Variants in MIPOL1 observed in about 807,000 individuals in gnomAD.
The protein encoded by MIPOL1 is mirror-image polydactyly 1.
Under a neutral mutation model 60.9 loss-of-function variants are expected in MIPOL1, and 57 were observed. That is an observed-to-expected ratio of 0.94 (90% CI 0.76 to 1.17). MIPOL1 has a LOEUF of 1.17. MIPOL1 is among the 50% of genes most tolerant of loss of function. The pLI is 0.00. For missense variants in MIPOL1, 551 were observed against 511.6 expected (o/e 1.08, Z -0.74); for synonymous variants, 179 against 168.8 (o/e 1.06, Z -0.47).
At chr14:37,507,959 ATTATCGGGTTTTCCT>A (rs779777762) in intron 12 of MIPOL1, among the ~76,000 whole-genome samples, 5 of 152,232 alleles carry the variant, frequency 3.3e-5, no homozygotes, top group Admixed American at 3.3e-4. Flanking sequence ...TAGATGAAGT[ATTATCGGGTTTTCCT>A]TTTCATATTT....
At chr14:37,403,874 AT>A (rs992177388) in intron 10 of MIPOL1, among the ~76,000 whole-genome samples, 4 of 152,156 alleles carry the variant, frequency 2.6e-5, no homozygotes, top group African/African-American at 4.8e-5. Flanking sequence ...TCCAGCTCTA[AT>A]CCTTGTTTTC....
At chr14:37,436,901 T>G (rs1447494983) in intron 11 of MIPOL1, among the ~76,000 whole-genome samples, 1 of 152,206 alleles carries the variant, frequency 6.6e-6, no homozygotes, top group Non-Finnish European at 1.5e-5. Context: ...CTCTAAAGTT[T>G]AAATGATTTA....
chr14:37,524,806 G>A (rs138915150), intron 12 of MIPOL1, among the ~76,000 whole-genome samples: 13 of 151,750 alleles, frequency 8.6e-5, no homozygotes, highest in South Asian at 4.2e-4. Flanking sequence ...CCGACCTCGT[G>A]ATCCACCTGC....
chr14:37,340,021 G>T (rs910695214), intron 9 of MIPOL1, among the ~76,000 whole-genome samples: 3 of 152,140 alleles, frequency 2.0e-5, no homozygotes, highest in Non-Finnish European at 2.9e-5. Context: ...TAATAATTTG[G>T]CTTATAAGGT....
intron 11 of MIPOL1, among the ~76,000 whole-genome samples, chr14:37,480,450 A>T (rs147032431): frequency 6.6e-6 from 1 of 152,066 alleles, no homozygotes; most frequent in Non-Finnish European, 1.5e-5. Flanking sequence ...AACAAAAGCC[A>T]TGTGGTTATC....
At chr14:37,252,319 G>A (rs2180632) in intron 3 of MIPOL1, among the ~76,000 whole-genome samples, 97,121 of 151,512 alleles carry the variant, frequency 0.64, 31,235 homozygotes, top group Non-Finnish European at 0.67. Context: ...GAAATAAGGT[G>A]AAAAAGCACT....
chr14:37,389,780 G>A (rs373491052), intron 10 of MIPOL1, among the ~76,000 whole-genome samples: 33 of 151,592 alleles, frequency 2.2e-4, no homozygotes, highest in African/African-American at 6.3e-4. Context: ...ATTTTTGGTT[G>A]ATACTGAGGG....
At chr14:37,273,578 G>A (rs989548396) in intron 6 of MIPOL1, among the ~76,000 whole-genome samples, 11 of 150,592 alleles carry the variant, frequency 7.3e-5, no homozygotes, top group African/African-American at 2.7e-4. Flanking sequence ...AGTCCATCTT[G>A]TCTTCCAAGG....
At chr14:37,497,140 A>T (rs1212604398) in intron 11 of MIPOL1, among the ~76,000 whole-genome samples, 1 of 152,162 alleles carries the variant, frequency 6.6e-6, no homozygotes, top group Non-Finnish European at 1.5e-5. Flanking sequence ...TACAAAAATC[A>T]ATTCAAGATG....
intron 11 of MIPOL1, among the ~76,000 whole-genome samples, chr14:37,467,855 ACCAGC>A (rs1271962756): frequency 6.6e-6 from 1 of 151,918 alleles, no homozygotes; most frequent in Non-Finnish European, 1.5e-5. Flanking sequence ...GGAGTTGAAG[ACCAGC>A]CTGGCCAACA....
At chr14:37,495,197 G>A (rs1252805283) in intron 11 of MIPOL1, among the ~76,000 whole-genome samples, 4 of 144,384 alleles carry the variant, frequency 2.8e-5, no homozygotes, top group Non-Finnish European at 6.0e-5. Context: ...AGTTACATAT[G>A]TATACATGTG....
intron 11 of MIPOL1, among the ~76,000 whole-genome samples, chr14:37,443,803 A>G (rs574134092): frequency 3.9e-5 from 6 of 152,122 alleles, no homozygotes; most frequent in Non-Finnish European, 8.8e-5. Flanking sequence ...CCAACAGCAT[A>G]TATAAAGGGT....
At chr14:37,321,586 A>T (rs1463096728) in intron 9 of MIPOL1, among the ~76,000 whole-genome samples, 2 of 151,962 alleles carry the variant, frequency 1.3e-5, no homozygotes, top group African/African-American at 4.8e-5. Flanking sequence ...TCCGTATGTT[A>T]TTTAGACCAA....
chr14:37,417,169 C>T (rs117281576), intron 10 of MIPOL1, among the ~76,000 whole-genome samples: 2,873 of 152,232 alleles, frequency 0.019, 42 homozygotes, highest in South Asian at 0.056. Flanking sequence ...TGCTTTTAAT[C>T]ACCATTGCTG....
At chr14:37,220,857 C>T (rs1461837944) in intron 1 of MIPOL1, among the ~76,000 whole-genome samples, 2 of 152,102 alleles carry the variant, frequency 1.3e-5, no homozygotes, top group African/African-American at 4.8e-5. Context: ...CTTACTGCAG[C>T]CTCGAACTCC....
intron 9 of MIPOL1, among the ~76,000 whole-genome samples, chr14:37,345,139 C>T (rs1030313401): frequency 2.6e-5 from 4 of 151,822 alleles, no homozygotes; most frequent in Non-Finnish European, 1.5e-5. Context: ...GCTTTGTCAC[C>T]AAGGCTGGAG....
intron 12 of MIPOL1, among the ~76,000 whole-genome samples, chr14:37,516,961 A>G (rs1179544933): frequency 1.3e-5 from 2 of 152,196 alleles, no homozygotes; most frequent in Non-Finnish European, 2.9e-5. Flanking sequence ...TATAATGATT[A>G]GGTCTGCATT....
chr14:37,258,432 G>T (rs1975325378), intron 3 of MIPOL1, among the ~76,000 whole-genome samples: 1 of 151,892 alleles, frequency 6.6e-6, no homozygotes, highest in Non-Finnish European at 1.5e-5. Context: ...CTAATAATAA[G>T]AAATTTTGAG....
intron 6 of MIPOL1, among the ~76,000 whole-genome samples, chr14:37,280,497 T>C (rs2084017475): frequency 6.6e-6 from 1 of 152,232 alleles, no homozygotes; most frequent in South Asian, 2.1e-4. Flanking sequence ...TTTCGTGTTT[T>C]TGATAATAGC....
Sources: allele counts gnomAD v4.1 joint callset (sites outside exome capture counted in the v4.1 genomes callset), GRCh38; gene constraint gnomAD v4.1.1; transcripts MANE v1.5; gene names NCBI Gene and HGNC (gene_info 2026-07-23, HGNC 2026-07-21).